Variants in EXOC6B observed in about 807,000 individuals in gnomAD.
EXOC6B encodes exocyst complex component 6B.
Under a neutral mutation model 113.5 loss-of-function variants are expected in EXOC6B, and 54 were observed. The observed-to-expected ratio is 0.48, with a 90% CI of 0.38 to 0.60. The LOEUF (loss-of-function observed/expected upper bound fraction) is 0.60, where lower values mean the gene tolerates loss of function less well. Ranked by LOEUF, EXOC6B falls within the 20% of genes least tolerant of loss-of-function variation. The probability of loss-of-function intolerance (pLI) is 0.00; values close to 1 mark genes in which losing one functional copy is unlikely to be tolerated. For missense variants in EXOC6B, 797 were observed against 977.5 expected, an observed-to-expected ratio of 0.82 and a Z score of 2.46; for synonymous variants, 357 against 339.0, an observed-to-expected ratio of 1.05 and a Z score of -0.58.
intron 1 of EXOC6B, among the ~76,000 whole-genome samples, chr2:72,755,850 C>T (rs570547639): frequency 5.5e-4 from 84 of 151,952 alleles, no homozygotes; most frequent in Middle Eastern, 3.4e-3. Context: ...GCAGTCCCTA[C>T]GGGCTTTTAG....
intron 1 of EXOC6B, among the ~76,000 whole-genome samples, chr2:72,802,337 A>G (rs1337152039): frequency 1.3e-5 from 2 of 152,026 alleles, no homozygotes; most frequent in Admixed American, 6.6e-5. Context: ...AAAAAAAAAA[A>G]AAAGTGTCTG....
Position 72,178,547 on chromosome 2 carries a change from T to C in EXOC6B, c.*788A>G, listed in dbSNP as rs1029066167. 1 of 152,214 alleles carries C rather than the reference T, an allele frequency of 6.6e-6. No homozygotes were observed. Among genetic ancestry groups the C allele is most frequent in the Non-Finnish European group, 1.5e-5 (1 of 68,052 alleles). 9.4% of individuals were successfully genotyped at this position (152,214 alleles called of 1,614,324 possible). ...GAAATGAGATGAACAGGGAAGGGAT[T>C]GGGTCTCTGATTCCATGAAAACTGG... On this transcript the variant is annotated 3_prime_UTR_variant, in exon 22 of 22. Transcript: ENST00000272427.
chr2:72,805,989 T>G (rs1468523378), intron 1 of EXOC6B, among the ~76,000 whole-genome samples: 1 of 152,192 alleles, frequency 6.6e-6, no homozygotes, highest in Non-Finnish European at 1.5e-5. Flanking sequence ...TCAATAGTAT[T>G]CCACAGTATA....
chr2:72,747,580 T>C (rs1403736344), intron 1 of EXOC6B, among the ~76,000 whole-genome samples: 1 of 152,074 alleles, frequency 6.6e-6, no homozygotes, highest in Non-Finnish European at 1.5e-5. Flanking sequence ...TTTAAGCCAC[T>C]TTCCCTTGAT....
chr2:72,825,958 CT>C lies in EXOC6B; in HGVS notation c.-49del. 1.9e-6 allele frequency: 3 copies of C among 1,599,506 alleles called. No homozygotes were observed. Among genetic ancestry groups the C allele is most frequent in the Non-Finnish European group, 8.5e-7 (1 of 1,175,968 alleles). ...CGTCCCCTCCGTCGGCTCGGCTCACCTTTTCCCTGCCCCACAATGCCGCTCC... is the reference window on the plus strand; with the variant it reads ...CGTCCCCTCCGTCGGCTCGGCTCACCTTTCCCTGCCCCACAATGCCGCTCC... On this transcript the variant is annotated 5_prime_UTR_variant, in exon 1 of 22. Transcript: ENST00000272427. This position sits in a 1 kb window ranked among gnomAD's most constrained non-coding sequence, Gnocchi z 4.4.
chr2:72,649,344 CTA>C (rs1673988872), intron 6 of EXOC6B, among the ~76,000 whole-genome samples: 1 of 151,930 alleles, frequency 6.6e-6, no homozygotes, highest in African/African-American at 2.4e-5. Flanking sequence ...TTAAAAATAA[CTA>C]AAAGAGTATG....
intron 8 of EXOC6B, among the ~76,000 whole-genome samples, chr2:72,536,610 T>A (rs1321465934): frequency 6.6e-6 from 1 of 152,196 alleles, no homozygotes; most frequent in African/African-American, 2.4e-5. Context: ...CTCAATTAAT[T>A]GCCTCTCCTC....
In EXOC6B at chr2:72,826,007, C is replaced by A; in HGVS notation, c.-97G>T. Reference sequence around the variant, plus strand: ...TCCCACCACAGGCTCCACAGCCGCCCCAGCCTCTGGCTACCCGCAGGCCGA... The same window carrying A: ...TCCCACCACAGGCTCCACAGCCGCCACAGCCTCTGGCTACCCGCAGGCCGA... On this transcript the variant is annotated 5_prime_UTR_variant, in exon 1 of 22. Transcript: ENST00000272427. 1.3e-6 allele frequency: 2 copies of A among 1,510,514 alleles called. No individual in the cohort carries two copies. The highest frequency in any genetic ancestry group is 1.8e-6 in the Non-Finnish European group (2 of 1,127,288). The allele number at this position is 1,510,514 out of a possible 1,614,324, so 93.6% of individuals were successfully genotyped here. A position where few individuals can be genotyped will look rare whatever the true frequency, so the allele number is the denominator to read the frequency against.
intron 20 of EXOC6B, among the ~76,000 whole-genome samples, chr2:72,251,978 T>TC (rs1445715009): frequency 7.9e-5 from 12 of 152,182 alleles, no homozygotes; most frequent in Non-Finnish European, 1.3e-4. Context: ...ACAATCCTTG[T>TC]CCCATCATTT....
intron 6 of EXOC6B, among the ~76,000 whole-genome samples, chr2:72,666,757 A>G (rs1326319939): frequency 6.7e-6 from 1 of 149,532 alleles, no homozygotes; most frequent in African/African-American, 2.5e-5. Context: ...AAGCAAATCA[A>G]GAATGCAATC....
chr2:72,539,218 G>A (rs1245869256), intron 8 of EXOC6B, among the ~76,000 whole-genome samples: 2 of 152,056 alleles, frequency 1.3e-5, no homozygotes, highest in Non-Finnish European at 2.9e-5. Context: ...AAGGGGGAGG[G>A]GAGCATCTAA....
chr2:72,598,144 A>G (rs1469474894), intron 6 of EXOC6B, among the ~76,000 whole-genome samples: 2 of 151,968 alleles, frequency 1.3e-5, no homozygotes, highest in Admixed American at 1.3e-4. Context: ...TCAAGCTTAC[A>G]TGGAAAATTC....
intron 20 of EXOC6B, among the ~76,000 whole-genome samples, chr2:72,293,146 C>T (rs1685914555): frequency 6.6e-6 from 1 of 152,078 alleles, no homozygotes; most frequent in South Asian, 2.1e-4. Context: ...TTTTATGTCC[C>T]CACCAGCACT....
chr2:72,645,243 T>G (rs537511106), intron 6 of EXOC6B, among the ~76,000 whole-genome samples: 5 of 152,180 alleles, frequency 3.3e-5, no homozygotes, highest in African/African-American at 1.2e-4. Context: ...GAACTAACCA[T>G]GCTAAATATA....
At chr2:72,559,639 G>C in intron 7 of EXOC6B, 118 bp from the exon 8 acceptor site, 2 of 692,046 alleles carry the variant, frequency 2.9e-6, no homozygotes, top group Non-Finnish European at 4.7e-6. Context: ...GCTTGTAAGT[G>C]AGAAATACAA....
At chr2:72,574,836 T>C (rs779372219) in intron 7 of EXOC6B, among the ~76,000 whole-genome samples, 1 of 152,322 alleles carries the variant, frequency 6.6e-6, no homozygotes, top group Non-Finnish European at 1.5e-5. Context: ...TCAAAGGTCA[T>C]AATAGTTTTA....
At chr2:72,308,693 A>C (rs1004135842) in intron 20 of EXOC6B, among the ~76,000 whole-genome samples, 2 of 152,134 alleles carry the variant, frequency 1.3e-5, no homozygotes, top group African/African-American at 4.8e-5. Context: ...GGCCAGGAAG[A>C]CATCTTCTAG....
intron 18 of EXOC6B, among the ~76,000 whole-genome samples, chr2:72,403,571 G>A (rs1002108807): frequency 1.3e-5 from 2 of 152,144 alleles, no homozygotes; most frequent in African/African-American, 4.8e-5. Flanking sequence ...GGTGGTGCAT[G>A]CCTGTAGTCC....
At position 72,492,348 on chromosome 2, in the gene EXOC6B, T is replaced by C; in HGVS notation, c.1635A>G (p.Val545=). The change falls in exon 16 of 22, where the codon GTA becomes GTG. Residue 545 remains valine (V), a synonymous_variant. Coordinates refer to ENST00000272427, the MANE Select transcript of EXOC6B (RefSeq NM_015189.3). The part of the protein sequence containing the change: ...TRTLSNSLQN[V]IKRKNIGLTE... The stretch of plus-strand genomic sequence containing the variant: ...TAAGCCCAATATTCTTCCTTTTAAT[T>C]ACATTCTGCAGAGAGTTGCTCAGAG... 1.9e-6 allele frequency: 3 copies of C among 1,612,598 alleles called. No individual in the cohort carries two copies. The highest frequency in any genetic ancestry group is 1.7e-6 in the Non-Finnish European group (2 of 1,178,852).
Sources: gnomAD v4.1 joint callset for allele counts (sites outside exome capture counted in the v4.1 genomes callset) on GRCh38, gnomAD v4.1.1 for gene constraint, Gnocchi (gnomAD v3.1) non-coding constraint, MANE v1.5 for transcripts, NCBI Gene and HGNC (gene_info 2026-07-23, HGNC 2026-07-21) for gene names.